Variants in SPATA16 observed in about 807,000 individuals in gnomAD.
SPATA16 encodes spermatogenesis associated 16.
SPATA16 carries 36 observed loss-of-function variants against 63.3 expected under a neutral mutation model. That is an observed-to-expected ratio of 0.57 (90% CI 0.44 to 0.75). The LOEUF is 0.75. Among genes scored for constraint, SPATA16 ranks in the 30% least tolerant of loss-of-function variants. SPATA16 has a pLI of 0.00. For missense variants in SPATA16, 646 were observed against 679.3 expected (o/e 0.95, Z 0.54); for synonymous variants, 203 against 216.7 (o/e 0.94, Z 0.56).
intron 1 of SPATA16, among the ~76,000 whole-genome samples, chr3:173,125,291 A>G (rs1332388029): frequency 1.3e-5 from 2 of 152,102 alleles, no homozygotes; most frequent in Non-Finnish European, 2.9e-5. Flanking sequence ...ATGTATGATC[A>G]ATACCCTCCT....
At chr3:173,006,864 T>G (rs144845872) in intron 4 of SPATA16, among the ~76,000 whole-genome samples, 76 of 152,210 alleles carry the variant, frequency 5.0e-4, no homozygotes, top group Non-Finnish European at 9.4e-4. Flanking sequence ...AAGAAAGAAA[T>G]AAGCTGCTGC....
At chr3:173,020,849 T>G (rs1315574371) in intron 3 of SPATA16, among the ~76,000 whole-genome samples, 1 of 152,204 alleles carries the variant, frequency 6.6e-6, no homozygotes, top group Non-Finnish European at 1.5e-5. Flanking sequence ...CAACATTTTG[T>G]GAGCCTATTT....
intron 6 of SPATA16, among the ~76,000 whole-genome samples, chr3:172,942,053 C>G (rs1733161755): frequency 6.6e-6 from 1 of 151,996 alleles, no homozygotes; most frequent in African/African-American, 2.4e-5. Flanking sequence ...GGGGGAAAAG[C>G]ATGTGGACTA....
intron 2 of SPATA16, among the ~76,000 whole-genome samples, chr3:173,076,617 G>T (rs570038823): frequency 2.0e-4 from 31 of 151,966 alleles, no homozygotes; most frequent in African/African-American, 7.0e-4. Flanking sequence ...AGATTTTATA[G>T]CCACTCAGGG....
At chr3:173,074,873 C>T (rs1253386025) in intron 2 of SPATA16, among the ~76,000 whole-genome samples, 1 of 151,702 alleles carries the variant, frequency 6.6e-6, no homozygotes, top group African/African-American at 2.4e-5. Flanking sequence ...TGGCGTATGC[C>T]TGTAATCTCA....
chr3:172,949,777 G>C (rs1303616752), intron 6 of SPATA16, among the ~76,000 whole-genome samples: 1 of 152,016 alleles, frequency 6.6e-6, no homozygotes, highest in Non-Finnish European at 1.5e-5. Flanking sequence ...TGAGAAACTG[G>C]TAAGACCATC....
intron 2 of SPATA16, among the ~76,000 whole-genome samples, chr3:173,085,770 A>G (rs532435156): frequency 2.0e-5 from 3 of 152,298 alleles, no homozygotes; most frequent in South Asian, 4.1e-4. Flanking sequence ...CTATTGAGAT[A>G]ATCATATGGT....
intron 4 of SPATA16, among the ~76,000 whole-genome samples, chr3:173,015,238 A>G (rs1208933654): frequency 6.6e-6 from 1 of 151,682 alleles, no homozygotes; most frequent in Non-Finnish European, 1.5e-5. Flanking sequence ...TAATTTTTGT[A>G]TTTTTAGTAG....
intron 3 of SPATA16, 37 bp from the exon 4 acceptor site, chr3:173,019,612 G>C: frequency 6.3e-7 from 1 of 1,578,622 alleles, no homozygotes. Flanking sequence ...TGTTATTTGG[G>C]TTTTAAAAGA....
chr3:173,032,706 T>A lies in SPATA16; in HGVS notation c.759-13131A>T, dbSNP rs1735634255. On this transcript the variant is annotated intron_variant, in intron 3 of 10. Transcript: ENST00000351008. Reference sequence around the variant, plus strand: ...TGCAGTGAAATGCCTTCTTGAGCAATAGAGAACATTTATTTTTTTCTACAT... The same window carrying A: ...TGCAGTGAAATGCCTTCTTGAGCAAAAGAGAACATTTATTTTTTTCTACAT... 2.6e-5 allele frequency among the ~76,000 whole-genome samples: 4 copies of A among 152,242 alleles called. No homozygotes were observed. The South Asian group carries it at 8.3e-4, about 32-fold the overall frequency.
At chr3:173,111,454 G>T in intron 2 of SPATA16, among the ~76,000 whole-genome samples, 1 of 152,144 alleles carries the variant, frequency 6.6e-6, no homozygotes, top group Non-Finnish European at 1.5e-5. Context: ...GAACCCAGCA[G>T]TAGTTTAAGA....
At chr3:172,936,335 T>G (rs780756890) in intron 6 of SPATA16, among the ~76,000 whole-genome samples, 1 of 152,204 alleles carries the variant, frequency 6.6e-6, no homozygotes. Flanking sequence ...CAATAAAAGC[T>G]TCTCAACAGC....
At chr3:173,053,657 A>G (rs1736151130) in intron 2 of SPATA16, among the ~76,000 whole-genome samples, 1 of 152,140 alleles carries the variant, frequency 6.6e-6, no homozygotes, top group East Asian at 1.9e-4. Context: ...ATCCAGATTA[A>G]TATTGCTGAT....
intron 2 of SPATA16, among the ~76,000 whole-genome samples, chr3:173,077,370 A>G (rs1023668751): frequency 3.3e-5 from 5 of 152,222 alleles, no homozygotes; most frequent in African/African-American, 1.2e-4. Flanking sequence ...AGGAGAAAAG[A>G]GGTATAAAAG....
chr3:173,045,257 G>C (rs747898563), intron 3 of SPATA16, among the ~76,000 whole-genome samples: 1 of 152,040 alleles, frequency 6.6e-6, no homozygotes. Context: ...TGGTGAGACT[G>C]TAGTTTAACT....
intron 2 of SPATA16, among the ~76,000 whole-genome samples, chr3:173,103,433 T>G (rs2108327070): frequency 1.3e-5 from 2 of 152,350 alleles, no homozygotes; most frequent in Middle Eastern, 6.8e-3. Flanking sequence ...TTCTGAAATC[T>G]GGGCAGAGGC....
At position 172,916,301 on chromosome 3, in the gene SPATA16, A is replaced by G. The variant is rs1344383338; in HGVS notation, c.1503+16T>C. On this transcript the variant is annotated intron_variant, in intron 9 of 10. Coordinates refer to ENST00000351008, the MANE Select transcript of SPATA16 (RefSeq NM_031955.6). ...CTCTGGGCCTATGAAACCCTTAAAC[A>G]AAGAAAAATACTTACCAATTCTGCC... 1 of 1,612,654 alleles carries G rather than the reference A, an allele frequency of 6.2e-7. No individual in the cohort carries two copies. The highest frequency in any genetic ancestry group is 1.3e-5 in the African/African-American group (1 of 74,794).
At chr3:172,997,490 T>C (rs148011620) in intron 4 of SPATA16, among the ~76,000 whole-genome samples, 2 of 152,258 alleles carry the variant, frequency 1.3e-5, no homozygotes, top group East Asian at 3.9e-4. Context: ...TAAGAGTTCT[T>C]TGTATATTTT....
At chr3:173,131,080 G>A (rs977513183) in intron 1 of SPATA16, among the ~76,000 whole-genome samples, 44 of 152,100 alleles carry the variant, frequency 2.9e-4, no homozygotes, top group African/African-American at 1.0e-3. Flanking sequence ...AGGACTGATT[G>A]CATATTGATC....
Sources: gnomAD v4.1 joint callset for allele counts (sites outside exome capture counted in the v4.1 genomes callset) on GRCh38, gnomAD v4.1.1 for gene constraint, MANE v1.5 for transcripts, NCBI Gene and HGNC (gene_info 2026-07-23, HGNC 2026-07-21) for gene names.